The following ABCA4 variants were observed in gnomAD, a reference collection of about 807,000 sequenced individuals.
The protein encoded by ABCA4 is retinal-specific phospholipid-transporting ATPase ABCA4.
A neutral mutation model predicts 263.7 loss-of-function variants in ABCA4; 196 were observed. That is an observed-to-expected ratio of 0.74 (90% CI 0.66 to 0.84). The LOEUF (loss-of-function observed/expected upper bound fraction) is 0.84, where lower values mean the gene tolerates loss of function less well. Among genes scored for constraint, ABCA4 ranks in the 40% least tolerant of loss-of-function variants. The pLI, the probability that ABCA4 is intolerant of heterozygous loss-of-function variation, is 0.00. For missense variants in ABCA4, 2,792 were observed against 2,855.1 expected, an observed-to-expected ratio of 0.98 and a Z score of 0.50; for synonymous variants, 1,133 against 1,094.2, an observed-to-expected ratio of 1.04 and a Z score of -0.70.
At chr1:94,011,613 C>T (rs557490300) in intron 38 of ABCA4, among the ~76,000 whole-genome samples, 4 of 152,228 alleles carry the variant, frequency 2.6e-5, no homozygotes, top group African/African-American at 9.6e-5. Flanking sequence ...GGCCAAGGAG[C>T]TAATCAATTA....
At chr1:94,005,369 G>T in intron 44 of ABCA4, 72 bp downstream of exon 44, 2 of 1,583,396 alleles carry the variant, frequency 1.3e-6, no homozygotes, top group South Asian at 1.1e-5. Flanking sequence ...TCATCTCCAA[G>T]AGAATGCACT....
In ABCA4 at chr1:94,044,620, A is replaced by G. The variant is rs1219526989; in HGVS notation, c.3043T>C (p.Phe1015Leu). ...AGTTCCTGTGTCGCTTACTGGTGGAACAGGATGTTGTGCTGTGGACACATG... is the reference window on the plus strand; with the variant it reads ...AGTTCCTGTGTCGCTTACTGGTGGAGCAGGATGTTGTGCTGTGGACACATG... ...LGMCPQHNIL[F>L]HHLTVAEHML... The change falls in exon 20 of 50, where the codon TTC becomes CTC. Residue 1015 changes from phenylalanine (F) to leucine (L), a missense_variant. Coordinates refer to ENST00000370225, the MANE Select transcript of ABCA4 (RefSeq NM_000350.3). 2.5e-6 allele frequency: 4 copies of G among 1,614,048 alleles called. No homozygotes were observed. In the African/African-American group the frequency reaches 5.3e-5, roughly 22 times the overall value.
At chr1:94,115,057 T>C (rs1404169764) in intron 1 of ABCA4, among the ~76,000 whole-genome samples, 1 of 152,138 alleles carries the variant, frequency 6.6e-6, no homozygotes, top group Non-Finnish European at 1.5e-5. Flanking sequence ...AGTCTGTAGA[T>C]TTAAGAAACA....
At chr1:94,071,891 C>T (rs1398247550) in intron 11 of ABCA4, among the ~76,000 whole-genome samples, 1 of 152,330 alleles carries the variant, frequency 6.6e-6, no homozygotes, top group Admixed American at 6.5e-5. Flanking sequence ...GACTTCTGTG[C>T]TCTTTCTCAC....
Position 94,031,921 on chromosome 1 carries a change from G to C in ABCA4, c.3985C>G (p.Pro1329Ala). 1.2e-6 allele frequency: 2 copies of C among 1,614,154 alleles called. No individual in the cohort carries two copies. Among genetic ancestry groups the C allele is most frequent in the Non-Finnish European group, 1.7e-6 (2 of 1,180,014 alleles). ...GGCTCTGGGGGAGGCTGGCCCTCTG[G>C]GTGAGCAGCCGGCGCCCCTGGGGAG... ...VCSPGAPAAHPEGQPPPEPEC... is the reference protein window; with the variant it reads ...VCSPGAPAAHAEGQPPPEPEC... Residue 1329 changes from proline to alanine, a missense_variant, in exon 27 of 50, where the codon CCA becomes GCA. By Grantham distance (27) the Pro-to-Ala change is conservative (BLOSUM62 -1). Transcript: ENST00000370225.
At chr1:94,010,344 G>A (rs1016039682) in intron 40 of ABCA4, among the ~76,000 whole-genome samples, 7 of 152,122 alleles carry the variant, frequency 4.6e-5, no homozygotes, top group Non-Finnish European at 1.0e-4. Context: ...AGGAGTGGGG[G>A]GTCGTGATCA....
intron 11 of ABCA4, among the ~76,000 whole-genome samples, chr1:94,064,083 C>A (rs1661203078): frequency 6.6e-6 from 1 of 152,200 alleles, no homozygotes; most frequent in Admixed American, 6.5e-5. Flanking sequence ...CTGTTCCTAT[C>A]ATTGTGAGGG....
At chr1:94,070,741 T>A (rs1931574) in intron 11 of ABCA4, among the ~76,000 whole-genome samples, 35,436 of 152,054 alleles carry the variant, frequency 0.23, 4,905 homozygotes, top group African/African-American at 0.37. Context: ...GGTGTTGACC[T>A]GGCAGTCGAG....
chr1:94,084,838 G>GT (rs1186750987), intron 6 of ABCA4, among the ~76,000 whole-genome samples: 1 of 152,138 alleles, frequency 6.6e-6, no homozygotes, highest in East Asian at 1.9e-4. Context: ...TTTAATTTCT[G>GT]TTTTTTCCAT....
intron 24 of ABCA4, among the ~76,000 whole-genome samples, chr1:94,039,761 C>T (rs1487547121): frequency 6.6e-6 from 1 of 152,204 alleles, no homozygotes; most frequent in Non-Finnish European, 1.5e-5. Context: ...GGAGCCAGGG[C>T]AGGGGGACCC....
At chr1:94,059,301 C>T (rs1661056681) in intron 14 of ABCA4, among the ~76,000 whole-genome samples, 2 of 152,292 alleles carry the variant, frequency 1.3e-5, no homozygotes, top group South Asian at 4.1e-4. Context: ...CCCCTCATCT[C>T]TTAGAACTTT....
chr1:94,048,633 C>T (rs1660752132), intron 18 of ABCA4, among the ~76,000 whole-genome samples: 1 of 152,230 alleles, frequency 6.6e-6, no homozygotes, highest in Admixed American at 6.5e-5. Context: ...AGGCACACTA[C>T]ATAGTTGGTA....
Position 94,046,293 on chromosome 1 carries a change from AAAAAAAAAAAATAC to A in ABCA4, c.2918+612_2918+625del, listed in dbSNP as rs1362137847. 9.3e-5 allele frequency among the ~76,000 whole-genome samples: 12 copies of A among 129,000 alleles called. 1 individual carries two copies. The allele number at this position is 129,000 out of a possible 152,430, so 84.6% of individuals were successfully genotyped here. On this transcript the variant is annotated intron_variant, in intron 19 of 49. Transcript: ENST00000370225. ...CCCTGTCTGTACTAAAAAAAAAAAA[AAAAAAAAAAAATAC>A]AAAAATTAGCTGGGCATGGTGGTAT...
Position 93,993,237 on chromosome 1 carries a change from T to G in ABCA4, c.6822A>C (p.Ter2274CysextTer34), listed in dbSNP as rs1571237505. The change falls in exon 50 of 50, where the codon TGA becomes TGC. Residue 2274 changes from the stop codon to cysteine (C), a stop_lost. Coordinates refer to ENST00000370225, the MANE Select transcript of ABCA4 (RefSeq NM_000350.3). ...AAGASRQAQD[*>C] Reference sequence around the variant, plus strand: ...CTGCAGGAACGAGCGGTGTGAAAGATCAGTCCTGTGGAAGGAGATCACATG... The same window carrying G: ...CTGCAGGAACGAGCGGTGTGAAAGAGCAGTCCTGTGGAAGGAGATCACATG... 1 of 1,613,866 alleles carries G rather than the reference T, an allele frequency of 6.2e-7. No homozygotes were observed. Among genetic ancestry groups the G allele is most frequent in the African/African-American group, 1.3e-5 (1 of 75,006 alleles).
chr1:94,000,851 T>G lies in ABCA4; in HGVS notation c.6464A>C (p.Gln2155Pro). The change falls in exon 47 of 50, where the codon CAG (glutamine) becomes CCG (proline). Residue 2155 changes from glutamine to proline, a missense_variant. Gln to Pro is a moderately conservative substitution (Grantham distance 76, BLOSUM62 -1). Transcript: ENST00000370225. ...KGAFRCMGTI[Q>P]HLKSKFGDGY... ...ATCTGCTTACTTGGACTTGAGATGC[T>G]GAATGGTGCCCATACATCGAAAGGC... 1.9e-6 allele frequency: 3 copies of G among 1,614,204 alleles called. No individual in the cohort carries two copies. The highest frequency in any genetic ancestry group is 2.5e-6 in the Non-Finnish European group (3 of 1,180,036).
Position 94,008,867 on chromosome 1 carries a change from C to A in ABCA4, c.5719G>T (p.Ala1907Ser), listed in dbSNP as rs949868061. 1 of 1,612,592 alleles carries A rather than the reference C, an allele frequency of 6.2e-7. No individual in the cohort carries two copies. The highest frequency in any genetic ancestry group is 1.7e-5 in the Admixed American group (1 of 59,922). Residue 1907 changes from alanine to serine, a missense_variant, in exon 41 of 50, where the codon GCC becomes TCC. By Grantham distance (99) the Ala-to-Ser change is moderately conservative (BLOSUM62 1). Coordinates refer to ENST00000370225, the MANE Select transcript of ABCA4 (RefSeq NM_000350.3). ...QRHFFLSQWI[A>S]EPTKEPIVDE... ...ACAATGGGCTCCTTAGTGGGCTCGG[C>A]AATCCTAGATGAAGAAAAGGGGTCA... is the stretch of plus-strand genomic sequence containing the variant.
intron 7 of ABCA4, among the ~76,000 whole-genome samples, chr1:94,082,187 G>T (rs1189236900): frequency 6.6e-6 from 1 of 152,202 alleles, no homozygotes; most frequent in Non-Finnish European, 1.5e-5. Flanking sequence ...ATGACATCTT[G>T]TAAGGGGTTA....
intron 11 of ABCA4, among the ~76,000 whole-genome samples, chr1:94,066,636 G>A (rs1354706891): frequency 6.6e-6 from 1 of 152,246 alleles, no homozygotes; most frequent in African/African-American, 2.4e-5. Context: ...AAAGGGCCTT[G>A]CCCAAGGTCA....
Position 94,021,213 on chromosome 1 carries a change from G to A in ABCA4, c.5018+27C>T, listed in dbSNP as rs753484683. ...AGAGTGGAGAAGGTGACAAGAAAGT[G>A]GTGAGGCTGGGGCTGTGGTGGCTTA... On this transcript the variant is annotated intron_variant, in intron 35 of 49. Transcript: ENST00000370225. 1.9e-6 allele frequency: 3 copies of A among 1,613,956 alleles called. No individual in the cohort carries two copies. In the South Asian group the frequency reaches 3.3e-5, roughly 18 times the overall value.
Sources: allele counts gnomAD v4.1 joint callset (sites outside exome capture counted in the v4.1 genomes callset), GRCh38; gene constraint gnomAD v4.1.1; transcripts MANE v1.5; gene names NCBI Gene and HGNC (gene_info 2026-07-23, HGNC 2026-07-21).